FGF12: variants seen among roughly 807,000 people sequenced by gnomAD.
The protein encoded by FGF12 is fibroblast growth factor 12.
In FGF12, 14 loss-of-function variants were observed where a neutral mutation model predicts 23.6. The ratio of observed to expected loss-of-function variants is 0.59; its 90% CI spans 0.39 to 0.93. FGF12 has a LOEUF of 0.93. Ranked by LOEUF, FGF12 falls within the 40% of genes least tolerant of loss-of-function variation. The pLI, the probability that FGF12 is intolerant of heterozygous loss-of-function variation, is 0.00. For missense variants in FGF12, 175 were observed against 217.8 expected (o/e 0.80, Z 1.24); for synonymous variants, 62 against 77.3 (o/e 0.80, Z 1.04).
At chr3:192,613,041 T>G (rs1401506514) in intron 2 of FGF12, among the ~76,000 whole-genome samples, 1 of 151,926 alleles carries the variant, frequency 6.6e-6, no homozygotes, top group African/African-American at 2.4e-5. Flanking sequence ...CTCATTTTTC[T>G]TGGTGGGAAG....
intron 4 of FGF12, among the ~76,000 whole-genome samples, chr3:192,197,227 T>C (rs570436413): frequency 1.3e-5 from 2 of 152,360 alleles, no homozygotes; most frequent in East Asian, 3.9e-4. Flanking sequence ...TTACACTCTG[T>C]ATTCTTCTCG....
chr3:192,583,391 A>G (rs1037141278), intron 2 of FGF12, among the ~76,000 whole-genome samples: 1 of 152,202 alleles, frequency 6.6e-6, no homozygotes, highest in Admixed American at 6.5e-5. Flanking sequence ...TTTTCTAGAG[A>G]AAATACTGTT....
intron 2 of FGF12, among the ~76,000 whole-genome samples, chr3:192,588,725 T>C (rs1244075313): frequency 6.6e-6 from 1 of 152,000 alleles, no homozygotes; most frequent in Non-Finnish European, 1.5e-5. Flanking sequence ...ACCAAGGCTA[T>C]ACAGCTAGAA....
At chr3:192,630,698 G>A (rs1294748632) in intron 2 of FGF12, among the ~76,000 whole-genome samples, 7 of 149,500 alleles carry the variant, frequency 4.7e-5, no homozygotes, top group Non-Finnish European at 7.4e-5. Context: ...GACTACAGGC[G>A]CCCGCCACCA....
intron 2 of FGF12, among the ~76,000 whole-genome samples, chr3:192,654,656 G>A (rs111466825): frequency 7.2e-5 from 11 of 152,172 alleles, no homozygotes; most frequent in African/African-American, 2.7e-4. Flanking sequence ...AAAAGTGACA[G>A]AGTCAGAAAT....
chr3:192,466,787 T>C (rs1028214070), intron 2 of FGF12, among the ~76,000 whole-genome samples: 2 of 152,186 alleles, frequency 1.3e-5, no homozygotes, highest in African/African-American at 2.4e-5. Context: ...TCACAGGGTA[T>C]GGAAGAGTTG....
intron 2 of FGF12, among the ~76,000 whole-genome samples, chr3:192,653,804 T>G (rs978184385): frequency 2.0e-5 from 3 of 148,294 alleles, no homozygotes; most frequent in African/African-American, 7.4e-5. Flanking sequence ...AACCTCCGCC[T>G]CCCCAGTTCA....
chr3:192,263,296 T>C (rs1448909476), intron 4 of FGF12, among the ~76,000 whole-genome samples: 1 of 152,102 alleles, frequency 6.6e-6, no homozygotes, highest in Non-Finnish European at 1.5e-5. Flanking sequence ...ATTGATAAAA[T>C]GTTTTCTAAC....
At chr3:192,506,426 A>G (rs1170209543) in intron 2 of FGF12, among the ~76,000 whole-genome samples, 1 of 152,240 alleles carries the variant, frequency 6.6e-6, no homozygotes, top group Non-Finnish European at 1.5e-5. Flanking sequence ...GCTGGAGTGC[A>G]GTGGCATGAT....
In FGF12 at chr3:192,432,620, C is replaced by CAA. The variant is rs201364119; in HGVS notation, c.14-72084_14-72083dup. Among the ~76,000 whole-genome samples, 793 of 106,630 alleles carry CAA rather than the reference C, an allele frequency of 7.4e-3. 12 individuals are homozygous for CAA. The highest frequency in any genetic ancestry group is 0.026 in the African/African-American group (698 of 27,284). 70.0% of individuals were successfully genotyped at this position (106,630 alleles called of 152,430 possible). A position where few individuals can be genotyped will look rare whatever the true frequency, so the allele number is the denominator to read the frequency against. On this transcript the variant is annotated intron_variant, in intron 2 of 5. Transcript: ENST00000445105. ...CTGAGAGAGCATTGCTGACATCTGG[C>CAA]AAAAAAAAAAAAAAAAAAAAAAGAA... is the stretch of plus-strand genomic sequence containing the variant.
chr3:192,661,764 C>G (rs1373138602), intron 2 of FGF12, among the ~76,000 whole-genome samples: 1 of 152,126 alleles, frequency 6.6e-6, no homozygotes, highest in Non-Finnish European at 1.5e-5. Context: ...TGTAATCAAT[C>G]TAGCAAATAA....
chr3:192,404,213 A>G (rs1720873468), intron 2 of FGF12, among the ~76,000 whole-genome samples: 1 of 152,172 alleles, frequency 6.6e-6, no homozygotes, highest in South Asian at 2.1e-4. Flanking sequence ...TAGAAATATA[A>G]TAAAAACACC....
At chr3:192,236,928 C>T (rs978767888) in intron 4 of FGF12, among the ~76,000 whole-genome samples, 1 of 152,128 alleles carries the variant, frequency 6.6e-6, no homozygotes, top group Admixed American at 6.5e-5. Context: ...TTTATAGTGT[C>T]AGTGGGCTAT....
At chr3:192,450,532 T>C (rs949682001) in intron 2 of FGF12, among the ~76,000 whole-genome samples, 4 of 152,208 alleles carry the variant, frequency 2.6e-5, no homozygotes, top group African/African-American at 4.8e-5. Flanking sequence ...AAATAAACTA[T>C]ACAATTACAA....
At chr3:192,335,259 G>T in intron 4 of FGF12, 102 bp downstream of exon 4, 1 of 743,476 alleles carries the variant, frequency 1.3e-6, no homozygotes, top group South Asian at 1.8e-5. Flanking sequence ...AATATAAAAT[G>T]ACTTCAACTT....
intron 4 of FGF12, among the ~76,000 whole-genome samples, chr3:192,203,787 G>C (rs564041098): frequency 1.3e-5 from 2 of 151,880 alleles, no homozygotes; most frequent in African/African-American, 2.4e-5. Context: ...TTTTTTTGTA[G>C]AGACAGGGTT....
At chr3:192,459,626 A>G (rs1722792922) in intron 2 of FGF12, among the ~76,000 whole-genome samples, 2 of 152,230 alleles carry the variant, frequency 1.3e-5, no homozygotes, top group Non-Finnish European at 2.9e-5. Context: ...GTCTTTGGGC[A>G]CATTGCATAC....
chr3:192,193,912 A>G (rs1326943174), intron 4 of FGF12, among the ~76,000 whole-genome samples: 4 of 152,180 alleles, frequency 2.6e-5, no homozygotes. Flanking sequence ...CTGTGAATAA[A>G]TAGCTTTCTC....
chr3:192,460,443 A>T (rs1181677145), intron 2 of FGF12, among the ~76,000 whole-genome samples: 1 of 152,094 alleles, frequency 6.6e-6, no homozygotes, highest in Non-Finnish European at 1.5e-5. Flanking sequence ...ATGTCCACTG[A>T]AAAACAGTGG....
Sources: gnomAD v4.1 joint callset for allele counts (sites outside exome capture counted in the v4.1 genomes callset) on GRCh38, gnomAD v4.1.1 for gene constraint, MANE v1.5 for transcripts, NCBI Gene and HGNC (gene_info 2026-07-23, HGNC 2026-07-21) for gene names.